Variants in LKAAEAR1 observed in about 807,000 individuals in gnomAD.
LKAAEAR1 encodes the protein protein LKAAEAR1.
LKAAEAR1 carries 19 observed loss-of-function variants against 16.5 expected under a neutral mutation model. The ratio of observed to expected loss-of-function variants is 1.15; its 90% CI spans 0.80 to 1.69. LKAAEAR1 has a LOEUF of 1.69. LKAAEAR1 is among the 40% of genes most tolerant of loss of function. The pLI, the probability that LKAAEAR1 is intolerant of heterozygous loss-of-function variation, is 0.00. For synonymous variants in LKAAEAR1, 124 were observed against 152.7 expected (o/e 0.81, Z 1.39); for missense variants, 304 against 315.8 (o/e 0.96, Z 0.28).
In LKAAEAR1 at chr20:64,084,037, G is replaced by C. The variant is rs2060009243; in HGVS notation, c.183C>G (p.Arg61=). The C allele has an allele frequency of 6.7e-7, 1 of 1,503,512 alleles. No individual in the cohort carries two copies. The highest frequency in any genetic ancestry group is 1.4e-5 in the African/African-American group (1 of 69,018). The allele number at this position is 1,503,512 out of a possible 1,614,324, so 93.1% of individuals were successfully genotyped here. ...CCAGCAGGTCGCCGAAGAGCAGATG[G>C]CGGTGGCGCTGCGCAGGGAGCATGG... ...LAAMLPAQRH[R]HLLFGDLLED... Residue 61 remains arginine, a synonymous_variant, in exon 1 of 3, where the codon CGC becomes CGG. Transcript: ENST00000302096.
Position 64,083,986 on chromosome 20 carries a change from G to A in LKAAEAR1, c.234C>T (p.Thr78=). 2 of 1,480,066 alleles carry A rather than the reference G, an allele frequency of 1.4e-6. No homozygotes were observed. Among genetic ancestry groups the A allele is most frequent in the Middle Eastern group, 2.2e-4 (1 of 4,530 alleles). 91.7% of individuals were successfully genotyped at this position (1,480,066 alleles called of 1,614,324 possible). ...LLEDVGAAAS[T]FPCGSVEPGY... ...CCGGTTCCACCGACCCGCACGGGAAGGTGGAGGCCGCCGCGCCCACGTCCT... is the reference window on the plus strand; with the variant it reads ...CCGGTTCCACCGACCCGCACGGGAAAGTGGAGGCCGCCGCGCCCACGTCCT... Residue 78 remains threonine (T), a synonymous_variant, in exon 1 of 3, where the codon ACC becomes ACT. Transcript: ENST00000302096. The surrounding 1 kb of genome is among the most constrained non-coding windows in gnomAD (Gnocchi z 4.9).
At chr20:64,084,769 C>A (rs780804940), upstream of LKAAEAR1, among the ~76,000 whole-genome samples, 2 of 152,216 alleles carry the variant, frequency 1.3e-5, no homozygotes, top group African/African-American at 2.4e-5. Flanking sequence ...CCGGCCCCAG[C>A]CTACAGCTGC....
upstream of LKAAEAR1, chr20:64,084,505 A>G: frequency 1.4e-6 from 1 of 708,750 alleles, no homozygotes; most frequent in Non-Finnish European, 1.9e-6. Context: ...TTCCTACCCG[A>G]TGGACTGTTC....
In LKAAEAR1 at chr20:64,083,965, T is replaced by G. The variant is rs77021907; in HGVS notation, c.255A>C (p.Glu85Asp). ...GCGGGTCGGGCATGCGGTACCCCGGTTCCACCGACCCGCACGGGAAGGTGG... is the reference window on the plus strand; with the variant it reads ...GCGGGTCGGGCATGCGGTACCCCGGGTCCACCGACCCGCACGGGAAGGTGG... ...AASTFPCGSV[E>D]PGYRMPDPRP... is the part of the protein sequence containing the mutation. The change falls in exon 1 of 3, where the codon GAA (glutamate) becomes GAC (aspartate). Residue 85 changes from glutamate to aspartate, a missense_variant. Coordinates refer to ENST00000302096, the MANE Select transcript of LKAAEAR1 (RefSeq NM_001353425.2). The surrounding 1 kb of genome is among the most constrained non-coding windows in gnomAD (Gnocchi z 4.9). The G allele has an allele frequency of 1.1e-3, 1,561 of 1,468,210 alleles. 9 individuals are homozygous for G. In the African/African-American group the frequency reaches 0.013, roughly 12 times the overall value. 90.9% of individuals were successfully genotyped at this position (1,468,210 alleles called of 1,614,324 possible). A position where few individuals can be genotyped will look rare whatever the true frequency, so the allele number is the denominator to read the frequency against.
chr20:64,083,383 A>T lies in LKAAEAR1; in HGVS notation c.*52T>A. 1 of 1,610,196 alleles carries T rather than the reference A, an allele frequency of 6.2e-7. No homozygotes were observed. The highest frequency in any genetic ancestry group is 8.5e-7 in the Non-Finnish European group (1 of 1,178,896). Reference sequence around the variant, plus strand: ...CAAAAAGACCAGCGAGCCTTCGGAGAATTATAACTTTATGTGGGAGGCTGG... The same window carrying T: ...CAAAAAGACCAGCGAGCCTTCGGAGTATTATAACTTTATGTGGGAGGCTGG... On this transcript the variant is annotated 3_prime_UTR_variant, in exon 3 of 3. Coordinates refer to ENST00000302096, the MANE Select transcript of LKAAEAR1 (RefSeq NM_001353425.2). This position sits in a 1 kb window ranked among gnomAD's most constrained non-coding sequence, Gnocchi z 4.9.
In LKAAEAR1 at chr20:64,083,511, C is replaced by G. The variant is rs1360691593; in HGVS notation, c.526-17G>C. 1 of 1,580,828 alleles carries G rather than the reference C, an allele frequency of 6.3e-7. No homozygotes were observed. Among genetic ancestry groups the G allele is most frequent in the Admixed American group, 1.8e-5 (1 of 55,504 alleles). On this transcript the variant is annotated splice_polypyrimidine_tract_variant and intron_variant, in intron 2 of 2. Transcript: ENST00000302096. This position sits in a 1 kb window ranked among gnomAD's most constrained non-coding sequence, Gnocchi z 4.9. ...GCGCCTCCGCTGCCGGGGAGAGAGG[C>G]TGGGGTCCGGCGTGTGCGGAGGCGG...
rs1488534719 is a variant in LKAAEAR1 at position 64,084,114 on chromosome 20, C to T, written c.106G>A (p.Ala36Thr). 1 of 1,471,578 alleles carries T rather than the reference C, an allele frequency of 6.8e-7. No individual in the cohort carries two copies. Among genetic ancestry groups the T allele is most frequent in the East Asian group, 3.0e-5 (1 of 33,388 alleles). 91.2% of individuals were successfully genotyped at this position (1,471,578 alleles called of 1,614,324 possible). The change falls in exon 1 of 3, where the codon GCG becomes ACG. Residue 36 changes from alanine (A) to threonine (T), a missense_variant. Transcript: ENST00000302096. ...QGEERAKGAP[A>T]TEPPKPGWAL... ...CAGCCCGGCTTGGGGGGCTCTGTCG[C>T]GGGCGCCCCCTTGGCACGCTCCTCA... is the stretch of plus-strand genomic sequence containing the variant.
chr20:64,083,542 GCC>G lies in LKAAEAR1; in HGVS notation c.525+39_525+40del, dbSNP rs745638296. 149 of 1,542,764 alleles carry G rather than the reference GCC, an allele frequency of 9.7e-5. No homozygotes were observed. In the African/African-American group the frequency reaches 2.0e-3, roughly 20 times the overall value. On this transcript the variant is annotated intron_variant, in intron 2 of 2. Coordinates refer to ENST00000302096, the MANE Select transcript of LKAAEAR1 (RefSeq NM_001353425.2). The surrounding 1 kb of genome is among the most constrained non-coding windows in gnomAD (Gnocchi z 4.9). Reference sequence around the variant, plus strand: ...TCCGGCGTGTGCGGAGGCGGGCAGGGCCCCTCCCCTTTCCCCGCCCCTACCGG... The same window carrying G: ...TCCGGCGTGTGCGGAGGCGGGCAGGGCCTCCCCTTTCCCCGCCCCTACCGG...
Position 64,083,656 on chromosome 20 carries a change from G to T in LKAAEAR1, c.452C>A (p.Ala151Asp), listed in dbSNP as rs544653342. The T allele has an allele frequency of 1.7e-5, 25 of 1,440,186 alleles. No individual in the cohort carries two copies. The Admixed American group carries it at 7.1e-4, about 41-fold the overall frequency. 89.2% of individuals were successfully genotyped at this position (1,440,186 alleles called of 1,614,324 possible). A position where few individuals can be genotyped will look rare whatever the true frequency, so the allele number is the denominator to read the frequency against. The change falls in exon 2 of 3, where the codon GCC becomes GAC. Residue 151 changes from alanine to aspartate, a missense_variant. Coordinates refer to ENST00000302096, the MANE Select transcript of LKAAEAR1 (RefSeq NM_001353425.2). This position sits in a 1 kb window ranked among gnomAD's most constrained non-coding sequence, Gnocchi z 4.9. ...LIQRQKSARA[A>D]IRLELFLPPQ... ...CGGCAGGAACAGCTCCAGCCGGATG[G>T]CGGCGCGCGCGGACTTCTGCCGCTG...
Position 64,083,689 on chromosome 20 carries a change from A to C in LKAAEAR1, c.419T>G (p.Leu140Arg), listed in dbSNP as rs2059998440. 7.1e-7 allele frequency: 1 copy of C among 1,412,930 alleles called. No individual in the cohort carries two copies. The highest frequency in any genetic ancestry group is 3.2e-5 in the Admixed American group (1 of 31,596). 87.5% of individuals were successfully genotyped at this position (1,412,930 alleles called of 1,614,324 possible). Reference protein sequence around the residue: ...YTRMRAEEIALLIQRQKSARA... With the variant: ...YTRMRAEEIARLIQRQKSARA... ...CGCGGACTTCTGCCGCTGGATGAGC[A>C]GCGCGATCTCCTCGGCCTGCGGGGC... The change falls in exon 2 of 3, where the codon CTG becomes CGG. Residue 140 changes from leucine to arginine, a missense_variant. Leu to Arg is a moderately radical substitution (Grantham distance 102). Transcript: ENST00000302096. This position sits in a 1 kb window ranked among gnomAD's most constrained non-coding sequence, Gnocchi z 4.9.
At position 64,084,201 on chromosome 20, in the gene LKAAEAR1, C is replaced by G. The variant is rs577122207; in HGVS notation, c.19G>C (p.Glu7Gln). The G allele has an allele frequency of 6.9e-5, 99 of 1,424,978 alleles. No individual in the cohort carries two copies. In the African/African-American group the frequency reaches 1.3e-3, roughly 18 times the overall value. The allele number at this position is 1,424,978 out of a possible 1,614,324, so 88.3% of individuals were successfully genotyped here. A position where few individuals can be genotyped will look rare whatever the true frequency, so the allele number is the denominator to read the frequency against. ...TCCCGCGGGCCCTTGCGCCCGCCCT[C>G]CTTCGCTGGCGGCGGCATCCTCCCG... is the stretch of plus-strand genomic sequence containing the variant. MPPPAK[E>Q]GGRKGPRERS... is the part of the protein sequence containing the mutation. Residue 7 changes from glutamate (E) to glutamine (Q), a missense_variant, in exon 1 of 3, where the codon GAG becomes CAG. Transcript: ENST00000302096.
Position 64,084,356 on chromosome 20 carries a change from G to A in LKAAEAR1, c.-137C>T. The A allele has an allele frequency of 1.6e-6, 2 of 1,285,424 alleles. No homozygotes were observed. Among genetic ancestry groups the A allele is most frequent in the East Asian group, 6.5e-5 (2 of 30,658 alleles). 79.6% of individuals were successfully genotyped at this position (1,285,424 alleles called of 1,614,324 possible). ...CTCTCCGCAGTCGGTTTTGAGTTCC[G>A]CACCCCCAGCCTCTGAGCTTTGCCC... On this transcript the variant is annotated 5_prime_UTR_variant, in exon 1 of 3. Coordinates refer to ENST00000302096, the MANE Select transcript of LKAAEAR1 (RefSeq NM_001353425.2).
Position 64,083,901 on chromosome 20 carries a change from G to A in LKAAEAR1, c.319C>T (p.Gln107Ter). The stretch of plus-strand genomic sequence containing the variant: ...TTGAGGACGCCGAGGAGCCGGTTCT[G>A]GCGCTCGGCGGGCAGCTCGAGCGAC... ...TQSLELPAERQNRLLGVLKAA... is the reference protein window; with the variant it reads ...TQSLELPAER Residue 107 changes from glutamine (Q) to a stop codon, truncating the protein, a stop_gained, in exon 1 of 3, where the codon CAG becomes TAG. Coordinates refer to ENST00000302096, the MANE Select transcript of LKAAEAR1 (RefSeq NM_001353425.2). LOFTEE classifies it high-confidence loss of function. This position sits in a 1 kb window ranked among gnomAD's most constrained non-coding sequence, Gnocchi z 4.9. 6.9e-7 allele frequency: 1 copy of A among 1,446,044 alleles called. No homozygotes were observed. The allele number at this position is 1,446,044 out of a possible 1,614,324, so 89.6% of individuals were successfully genotyped here. A position where few individuals can be genotyped will look rare whatever the true frequency, so the allele number is the denominator to read the frequency against.
rs1569268558 is a variant in LKAAEAR1 at position 64,083,671 on chromosome 20, T to G, written c.437A>C (p.Lys146Thr). 2 of 1,432,030 alleles carry G rather than the reference T, an allele frequency of 1.4e-6. No homozygotes were observed. The highest frequency in any genetic ancestry group is 1.8e-6 in the Non-Finnish European group (2 of 1,100,032). 88.7% of individuals were successfully genotyped at this position (1,432,030 alleles called of 1,614,324 possible). ...EEIALLIQRQKSARAAIRLEL... is the reference protein window; with the variant it reads ...EEIALLIQRQTSARAAIRLEL... ...CAGCCGGATGGCGGCGCGCGCGGACTTCTGCCGCTGGATGAGCAGCGCGAT... is the reference window on the plus strand; with the variant it reads ...CAGCCGGATGGCGGCGCGCGCGGACGTCTGCCGCTGGATGAGCAGCGCGAT... The change falls in exon 2 of 3, where the codon AAG (lysine) becomes ACG (threonine). Residue 146 changes from lysine (K) to threonine (T), a missense_variant. Transcript: ENST00000302096. This position sits in a 1 kb window ranked among gnomAD's most constrained non-coding sequence, Gnocchi z 4.9.
rs1047358125 is a variant in LKAAEAR1 at position 64,083,803 on chromosome 20, A to T, written c.402+15T>A. On this transcript the variant is annotated intron_variant, in intron 1 of 2. Transcript: ENST00000302096. This position sits in a 1 kb window ranked among gnomAD's most constrained non-coding sequence, Gnocchi z 4.9. ...CCCGGTGCGCCCCCTCTGCCCTCCG[A>T]CCCCCTCGCCTCACCCGCATGCGGG... 7.5e-7 allele frequency: 1 copy of T among 1,335,984 alleles called. No homozygotes were observed. The allele number at this position is 1,335,984 out of a possible 1,614,324, so 82.8% of individuals were successfully genotyped here. A position where few individuals can be genotyped will look rare whatever the true frequency, so the allele number is the denominator to read the frequency against.
At position 64,083,987 on chromosome 20, in the gene LKAAEAR1, G is replaced by A. The variant is rs2060007624; in HGVS notation, c.233C>T (p.Thr78Ile). 6.8e-7 allele frequency: 1 copy of A among 1,481,166 alleles called. No individual in the cohort carries two copies. The highest frequency in any genetic ancestry group is 1.3e-5 in the South Asian group (1 of 78,132). The allele number at this position is 1,481,166 out of a possible 1,614,324, so 91.8% of individuals were successfully genotyped here. A position where few individuals can be genotyped will look rare whatever the true frequency, so the allele number is the denominator to read the frequency against. ...LLEDVGAAAS[T>I]FPCGSVEPGY... ...CGGTTCCACCGACCCGCACGGGAAG[G>A]TGGAGGCCGCCGCGCCCACGTCCTC... The change falls in exon 1 of 3, where the codon ACC (threonine) becomes ATC (isoleucine). Residue 78 changes from threonine (T) to isoleucine (I), a missense_variant. Thr to Ile is a moderately conservative substitution (Grantham distance 89, BLOSUM62 -1). Coordinates refer to ENST00000302096, the MANE Select transcript of LKAAEAR1 (RefSeq NM_001353425.2). The surrounding 1 kb of genome is among the most constrained non-coding windows in gnomAD (Gnocchi z 4.9).
At position 64,084,122 on chromosome 20, in the gene LKAAEAR1, C is replaced by G. The variant is rs2060012034; in HGVS notation, c.98G>C (p.Gly33Ala). 6.8e-7 allele frequency: 1 copy of G among 1,471,186 alleles called. No homozygotes were observed. The highest frequency in any genetic ancestry group is 8.9e-7 in the Non-Finnish European group (1 of 1,119,032). 91.1% of individuals were successfully genotyped at this position (1,471,186 alleles called of 1,614,324 possible). A position where few individuals can be genotyped will look rare whatever the true frequency, so the allele number is the denominator to read the frequency against. ...CTTGGGGGGCTCTGTCGCGGGCGCC[C>G]CCTTGGCACGCTCCTCACCCTGCGC... ...GTAQGEERAKGAPATEPPKPG... is the reference protein window; with the variant it reads ...GTAQGEERAKAAPATEPPKPG... Residue 33 changes from glycine (G) to alanine (A), a missense_variant, in exon 1 of 3, where the codon GGG becomes GCG. Transcript: ENST00000302096.
At position 64,083,980 on chromosome 20, in the gene LKAAEAR1, C is replaced by T. The variant is rs1050791122; in HGVS notation, c.240G>A (p.Pro80=). The T allele has an allele frequency of 2.0e-6, 3 of 1,472,052 alleles. No individual in the cohort carries two copies. The highest frequency in any genetic ancestry group is 1.8e-6 in the Non-Finnish European group (2 of 1,119,550). 91.2% of individuals were successfully genotyped at this position (1,472,052 alleles called of 1,614,324 possible). ...GGTACCCCGGTTCCACCGACCCGCA[C>T]GGGAAGGTGGAGGCCGCCGCGCCCA... ...EDVGAAASTF[P]CGSVEPGYRM... The change falls in exon 1 of 3, where the codon CCG becomes CCA. Residue 80 remains proline (P), a synonymous_variant. Transcript: ENST00000302096. This position sits in a 1 kb window ranked among gnomAD's most constrained non-coding sequence, Gnocchi z 4.9.
In LKAAEAR1 at chr20:64,083,767, C is replaced by G; in HGVS notation, c.402+51G>C. ...CGCCCCGCCCCGCCCCGGCCGGCTCCGCTCAACGCTCCCGGTGCGCCCCCT... is the reference window on the plus strand; with the variant it reads ...CGCCCCGCCCCGCCCCGGCCGGCTCGGCTCAACGCTCCCGGTGCGCCCCCT... On this transcript the variant is annotated intron_variant, in intron 1 of 2. Coordinates refer to ENST00000302096, the MANE Select transcript of LKAAEAR1 (RefSeq NM_001353425.2). This position sits in a 1 kb window ranked among gnomAD's most constrained non-coding sequence, Gnocchi z 4.9. 4.5e-6 allele frequency: 6 copies of G among 1,333,022 alleles called. No homozygotes were observed. The highest frequency in any genetic ancestry group is 5.7e-6 in the Non-Finnish European group (6 of 1,047,610). 82.6% of individuals were successfully genotyped at this position (1,333,022 alleles called of 1,614,324 possible).
Sources: gnomAD v4.1 joint callset for allele counts (sites outside exome capture counted in the v4.1 genomes callset) on GRCh38, gnomAD v4.1.1 for gene constraint, Gnocchi (gnomAD v3.1) non-coding constraint, MANE v1.5 for transcripts, NCBI Gene and HGNC (gene_info 2026-07-23, HGNC 2026-07-21) for gene names.